The following COL5A1 variants were observed in gnomAD, a reference collection of about 807,000 sequenced individuals.
COL5A1 encodes the protein collagen type V alpha 1 chain.
COL5A1 carries 16 observed loss-of-function variants against 263.7 expected under a neutral mutation model. The ratio of observed to expected loss-of-function variants is 0.06; its 90% CI spans 0.04 to 0.09. COL5A1 has a LOEUF of 0.09. COL5A1 is among the 10% of genes least tolerant of loss of function. COL5A1 has a pLI of 1.00. For synonymous variants in COL5A1, 1,012 were observed against 1,004.5 expected, an observed-to-expected ratio of 1.01 and a Z score of -0.14; for missense variants, 2,036 against 2,540.5, an observed-to-expected ratio of 0.80 and a Z score of 4.27.
chr9:134,765,221 C>T lies in COL5A1; in HGVS notation c.2035-460C>T, dbSNP rs558341808. ...TAGTTTCACCTGGTGCTCTCCTGCCCGCACCCTCTGACCCTGTGATATCAT... is the reference window on the plus strand; with the variant it reads ...TAGTTTCACCTGGTGCTCTCCTGCCTGCACCCTCTGACCCTGTGATATCAT... On this transcript the variant is annotated intron_variant, in intron 20 of 65. Coordinates refer to ENST00000371817, the MANE Select transcript of COL5A1 (RefSeq NM_000093.5). This position sits in a 1 kb window ranked among gnomAD's most constrained non-coding sequence, Gnocchi z 5.1. 2.0e-5 allele frequency among the ~76,000 whole-genome samples: 3 copies of T among 152,266 alleles called. No individual in the cohort carries two copies. In the East Asian group the frequency reaches 5.8e-4, roughly 29 times the overall value.
intron 63 of COL5A1, among the ~76,000 whole-genome samples, chr9:134,828,690 C>CAG (rs1839421003): frequency 2.0e-5 from 3 of 151,028 alleles, no homozygotes; most frequent in African/African-American, 7.4e-5. Context: ...ACACACCACA[C>CAG]ATACCACATA....
At position 134,701,356 on chromosome 9, in the gene COL5A1, C is replaced by T. The variant is rs1008309658; in HGVS notation, c.654+23C>T. Reference sequence around the variant, plus strand: ...GAGGTGAGCAGGAGGGCAGACCAACCCCTGTGCCCACCAGGGCACTCCTCC... The same window carrying T: ...GAGGTGAGCAGGAGGGCAGACCAACTCCTGTGCCCACCAGGGCACTCCTCC... On this transcript the variant is annotated intron_variant, in intron 4 of 65. Coordinates refer to ENST00000371817, the MANE Select transcript of COL5A1 (RefSeq NM_000093.5). 5.0e-6 allele frequency: 8 copies of T among 1,610,698 alleles called. No individual in the cohort carries two copies. In the African/African-American group the frequency reaches 8.0e-5, roughly 16 times the overall value.
intron 19 of COL5A1, among the ~76,000 whole-genome samples, chr9:134,762,264 G>A (rs1221274947): frequency 6.6e-6 from 1 of 152,200 alleles, no homozygotes; most frequent in Non-Finnish European, 1.5e-5. Flanking sequence ...GGATGCAGGT[G>A]CCCCAAACCC....
At chr9:134,788,320 G>T (rs1837539504) in intron 31 of COL5A1, among the ~76,000 whole-genome samples, 1 of 147,126 alleles carries the variant, frequency 6.8e-6, no homozygotes, top group Non-Finnish European at 1.5e-5. Flanking sequence ...GAATGGAGGG[G>T]TGGGTTTATA....
At chr9:134,804,928 T>G (rs774125922) in intron 39 of COL5A1, 47 bp from the exon 40 acceptor site, 1 of 1,534,046 alleles carries the variant, frequency 6.5e-7, no homozygotes, top group African/African-American at 1.4e-5. Context: ...TGGTGAGAGG[T>G]CTGCGTCACT....
Position 134,754,035 on chromosome 9 carries a change from C to A in COL5A1, c.1773+132C>A. 1.1e-6 allele frequency: 1 copy of A among 896,778 alleles called. No homozygotes were observed. The highest frequency in any genetic ancestry group is 1.4e-5 in the South Asian group (1 of 71,246). The allele number at this position is 896,778 out of a possible 1,614,324, so 55.6% of individuals were successfully genotyped here. On this transcript the variant is annotated intron_variant, in intron 15 of 65. Transcript: ENST00000371817. This position sits in a 1 kb window ranked among gnomAD's most constrained non-coding sequence, Gnocchi z 4.3. ...TCGTGGGAATTGTCCTTGCTTTACG[C>A]AGTGCTGAGGGTGGAGCACAATGAA... is the stretch of plus-strand genomic sequence containing the variant.
intron 11 of COL5A1, among the ~76,000 whole-genome samples, chr9:134,748,038 GAC>G (rs1835625289): frequency 1.5e-5 from 2 of 135,552 alleles, no homozygotes; most frequent in South Asian, 2.3e-4. Flanking sequence ...TACACATGCA[GAC>G]ACATGCACAC....
At chr9:134,649,629 T>C (rs766897356) in intron 1 of COL5A1, 1 of 429,022 alleles carries the variant, frequency 2.3e-6, no homozygotes. Context: ...GTGTGGTGAT[T>C]CCTCAAGGAT....
intron 42 of COL5A1, among the ~76,000 whole-genome samples, 169 bp downstream of exon 42, chr9:134,806,465 G>A (rs571083936): frequency 6.6e-6 from 1 of 152,262 alleles, no homozygotes; most frequent in African/African-American, 2.4e-5. Context: ...ATGGGAACCT[G>A]GTGACCTGCC....
In COL5A1 at chr9:134,765,579, TG is replaced by T; in HGVS notation, c.2035-98del. 9.6e-7 allele frequency: 1 copy of T among 1,036,544 alleles called. No homozygotes were observed. The highest frequency in any genetic ancestry group is 1.5e-6 in the Non-Finnish European group (1 of 663,224). The allele number at this position is 1,036,544 out of a possible 1,614,324, so 64.2% of individuals were successfully genotyped here. A position where few individuals can be genotyped will look rare whatever the true frequency, so the allele number is the denominator to read the frequency against. On this transcript the variant is annotated intron_variant, in intron 20 of 65. Transcript: ENST00000371817. The surrounding 1 kb of genome is among the most constrained non-coding windows in gnomAD (Gnocchi z 5.1). ...AGGCCAGGAGGCCTGAGTCACCAGC[TG>T]GGGTTCTGGGTGGAGTCAGGGCCAA...
chr9:134,804,220 A>C (rs1838212568), intron 39 of COL5A1, among the ~76,000 whole-genome samples: 1 of 152,150 alleles, frequency 6.6e-6, no homozygotes, highest in Non-Finnish European at 1.5e-5. Flanking sequence ...TCTAGACACA[A>C]AGAGAGCTCT....
At position 134,794,496 on chromosome 9, in the gene COL5A1, G is replaced by A. The variant is rs1207021478; in HGVS notation, c.2701-586G>A. Among the ~76,000 whole-genome samples the A allele has an allele frequency of 6.6e-6, 1 of 151,814 alleles. No homozygotes were observed. Among genetic ancestry groups the A allele is most frequent in the Admixed American group, 6.6e-5 (1 of 15,260 alleles). ...GCACTGCATTTGTTTTCTGTGGTTTGGAAAATGCAAAACAACAACAGAAAA... is the reference window on the plus strand; with the variant it reads ...GCACTGCATTTGTTTTCTGTGGTTTAGAAAATGCAAAACAACAACAGAAAA... On this transcript the variant is annotated intron_variant, in intron 32 of 65. Coordinates refer to ENST00000371817, the MANE Select transcript of COL5A1 (RefSeq NM_000093.5). This position sits in a 1 kb window ranked among gnomAD's most constrained non-coding sequence, Gnocchi z 4.3.
chr9:134,786,080 C>G, intron 31 of COL5A1, 32 bp downstream of exon 31: 5 of 1,586,006 alleles, frequency 3.2e-6, no homozygotes, highest in Non-Finnish European at 4.3e-6. Context: ...TGTCCCGGGA[C>G]AGGCGGAGGG....
intron 25 of COL5A1, among the ~76,000 whole-genome samples, chr9:134,771,742 A>G (rs1006783368): frequency 6.6e-6 from 1 of 152,198 alleles, no homozygotes; most frequent in Admixed American, 6.5e-5. Context: ...CGGGAGGCCC[A>G]GAGAGGGCAA....
chr9:134,647,007 C>A lies in COL5A1; in HGVS notation c.109+4711C>A, dbSNP rs7875664. On this transcript the variant is annotated intron_variant, in intron 1 of 65. Coordinates refer to ENST00000371817, the MANE Select transcript of COL5A1 (RefSeq NM_000093.5). The surrounding 1 kb of genome is among the most constrained non-coding windows in gnomAD (Gnocchi z 5.0). ...CGATTGAGGCCACACCTGTGAGAAG[C>A]TTTGCAGGCTGCCTGACCTGTACTC... 0.019 allele frequency among the ~76,000 whole-genome samples: 2,891 copies of A among 152,298 alleles called. 80 individuals are homozygous for A. Among genetic ancestry groups the A allele is most frequent in the South Asian group, 0.06 (288 of 4,830 alleles).
At chr9:134,738,124 CGG>C (rs1835169159) in intron 9 of COL5A1, among the ~76,000 whole-genome samples, 1 of 152,132 alleles carries the variant, frequency 6.6e-6, no homozygotes, top group Admixed American at 6.5e-5. Flanking sequence ...TTTGGCCTGG[CGG>C]ACCTGCCTGG....
chr9:134,667,805 G>A (rs539650272), intron 1 of COL5A1, among the ~76,000 whole-genome samples: 111 of 152,344 alleles, frequency 7.3e-4, no homozygotes, highest in African/African-American at 2.5e-3. Flanking sequence ...GCTCTGTGGA[G>A]CAATAGGGAT....
chr9:134,689,047 C>T (rs940698785), intron 1 of COL5A1, among the ~76,000 whole-genome samples: 5 of 152,194 alleles, frequency 3.3e-5, no homozygotes, highest in African/African-American at 4.8e-5. Context: ...ACAGTGCCCG[C>T]GCTGAGTCCC....
rs1464905971 is a variant in COL5A1, at chr9:134,804,986, C to A, written c.3126C>A (p.Gly1042=). Residue 1042 remains glycine, a synonymous_variant, in exon 40 of 66, where the codon GGC becomes GGA. Transcript: ENST00000371817. ...AGKEGTKGDP[G]PAGLPGKDGP... Reference sequence around the variant, plus strand: ...GACTCTGTTTTCAGGGTGACCCAGGCCCTGCAGGCCTCCCTGGGAAAGATG... The same window carrying A: ...GACTCTGTTTTCAGGGTGACCCAGGACCTGCAGGCCTCCCTGGGAAAGATG... The A allele has an allele frequency of 6.2e-7, 1 of 1,613,674 alleles. No homozygotes were observed. Among genetic ancestry groups the A allele is most frequent in the Non-Finnish European group, 8.5e-7 (1 of 1,179,830 alleles).
Sources: gnomAD v4.1 joint callset for allele counts (sites outside exome capture counted in the v4.1 genomes callset) on GRCh38, gnomAD v4.1.1 for gene constraint, Gnocchi (gnomAD v3.1) non-coding constraint, MANE v1.5 for transcripts, NCBI Gene and HGNC (gene_info 2026-07-23, HGNC 2026-07-21) for gene names.